The following CENPF variants were observed in gnomAD, a reference collection of about 807,000 sequenced individuals.
The protein encoded by CENPF is AH antigen.
Under a neutral mutation model 307.3 loss-of-function variants are expected in CENPF, and 214 were observed. The observed-to-expected ratio is 0.70, with a 90% CI of 0.62 to 0.78. The LOEUF is 0.78. Among genes scored for constraint, CENPF ranks in the 30% least tolerant of loss-of-function variants. CENPF has a pLI of 0.00. For missense variants in CENPF, 3,401 were observed against 3,483.9 expected, an observed-to-expected ratio of 0.98 and a Z score of 0.60; for synonymous variants, 1,259 against 1,270.6, an observed-to-expected ratio of 0.99 and a Z score of 0.19.
rs761432420 is a variant in CENPF, at chr1:214,645,129, C to T, written c.5559C>T (p.His1853=). The T allele has an allele frequency of 3.1e-6, 5 of 1,613,494 alleles. No homozygotes were observed. The East Asian group carries it at 8.9e-5, about 29-fold the overall frequency. ...AATTGGAATATTTTTCTTGTGATCACCAGGAGTTACTCCAGAGAGTAGAAA... is the reference window on the plus strand; with the variant it reads ...AATTGGAATATTTTTCTTGTGATCATCAGGAGTTACTCCAGAGAGTAGAAA... ...SEKLEYFSCD[H]QELLQRVETS... is the part of the protein sequence containing the mutation. The change falls in exon 13 of 20, where the codon CAC becomes CAT. Residue 1853 remains histidine, a synonymous_variant. Transcript: ENST00000366955.
chr1:214,662,203 A>C (rs1658803973), intron 19 of CENPF, among the ~76,000 whole-genome samples: 2 of 151,720 alleles, frequency 1.3e-5, no homozygotes, highest in South Asian at 4.2e-4. Context: ...TTTCTTGTAC[A>C]TCTGGTGGGT....
Position 214,657,293 on chromosome 1 carries a change from C to A in CENPF, c.8846C>A (p.Thr2949Asn). ...AATGGTAGAGGACCAACACCTGCTA[C>A]CCCAGAGAGCTTTTCTAAAAAAAGC... is the stretch of plus-strand genomic sequence containing the variant. ...WENGRGPTPATPESFSKKSKK... is the reference protein window; with the variant it reads ...WENGRGPTPANPESFSKKSKK... Residue 2949 changes from threonine (T) to asparagine (N), a missense_variant, in exon 18 of 20, where the codon ACC becomes AAC. Thr to Asn is a moderately conservative substitution (Grantham distance 65, BLOSUM62 0). Transcript: ENST00000366955. 1 of 1,613,980 alleles carries A rather than the reference C, an allele frequency of 6.2e-7. No homozygotes were observed.
In CENPF at chr1:214,625,512, C is replaced by T. The variant is rs138092385; in HGVS notation, c.1068+3231C>T. On this transcript the variant is annotated intron_variant, in intron 7 of 19. Transcript: ENST00000366955. ...TTGGGATTACAGACGTGAGCCACTGCACCTGTCCTCCACTGTCTATCTTTT... is the reference window on the plus strand; with the variant it reads ...TTGGGATTACAGACGTGAGCCACTGTACCTGTCCTCCACTGTCTATCTTTT... Among the ~76,000 whole-genome samples the T allele has an allele frequency of 3.6e-3, 542 of 152,288 alleles. 1 individual carries two copies. Among genetic ancestry groups the T allele is most frequent in the African/African-American group, 0.013 (530 of 41,566 alleles).
intron 15 of CENPF, 72 bp downstream of exon 15, chr1:214,651,958 T>TTTC: frequency 6.4e-6 from 8 of 1,248,154 alleles, no homozygotes; most frequent in African/African-American, 3.0e-5. Context: ...TTTTTTTTTT[T>TTTC]CCAAAAAAAA....
rs756378255 is a variant in CENPF, at chr1:214,637,887, C to T, written c.1468C>T (p.Leu490Phe). Residue 490 changes from leucine to phenylalanine, a missense_variant, in exon 11 of 20, where the codon CTC becomes TTC. Coordinates refer to ENST00000366955, the MANE Select transcript of CENPF (RefSeq NM_016343.4). ...SMEEMKKENN[L>F]LKSHSEQKAR... The stretch of plus-strand genomic sequence containing the variant: ...TTAGGAAATGAAGAAGGAAAACAAC[C>T]TCCTTAAGAGTCACTCTGAGCAAAA... The T allele has an allele frequency of 1.8e-5, 29 of 1,602,970 alleles. No homozygotes were observed. Among genetic ancestry groups the T allele is most frequent in the Non-Finnish European group, 2.5e-5 (29 of 1,177,628 alleles).
At chr1:214,620,540 G>C (rs762903625) in intron 5 of CENPF, 115 bp from the exon 6 acceptor site, 1 of 990,650 alleles carries the variant, frequency 1.0e-6, no homozygotes, top group Admixed American at 2.4e-5. Context: ...TTCTTTGTTG[G>C]TATGCAGTGC....
chr1:214,642,718 G>C lies in CENPF; in HGVS notation c.4380G>C (p.Leu1460Phe). ...STNLRNFQGD[L>F]VKEMQLGLEE... is the part of the protein sequence containing the mutation. ...ATCTGAGAAACTTTCAAGGTGACTT[G>C]GTGAAGGAGATGCAGCTGGGCTTGG... The change falls in exon 12 of 20, where the codon TTG (leucine) becomes TTC (phenylalanine). Residue 1460 changes from leucine (L) to phenylalanine (F), a missense_variant. By Grantham distance (22) the Leu-to-Phe change is conservative. Transcript: ENST00000366955. The C allele has an allele frequency of 1.2e-6, 2 of 1,614,124 alleles. No individual in the cohort carries two copies. The highest frequency in any genetic ancestry group is 2.2e-5 in the East Asian group (1 of 44,882).
In CENPF at chr1:214,655,246, C is replaced by T. The variant is rs61732051; in HGVS notation, c.8328C>T (p.Asp2776=). The change falls in exon 17 of 20, where the codon GAC becomes GAT. Residue 2776 remains aspartate, a synonymous_variant. Coordinates refer to ENST00000366955, the MANE Select transcript of CENPF (RefSeq NM_016343.4). ...GAATTACTTTTATTTTGTAGATGGA[C>T]AATCTAAAATATGTAAATCAGTTGA... ...ILEELKKTKM[D]NLKYVNQLKK... is the part of the protein sequence containing the mutation. 5.8e-3 allele frequency: 9,144 copies of T among 1,570,946 alleles called. 462 individuals are homozygous for T. The African/African-American group carries it at 0.11, about 19-fold the overall frequency.
chr1:214,631,775 C>T (rs993492015), intron 9 of CENPF, among the ~76,000 whole-genome samples: 1 of 152,228 alleles, frequency 6.6e-6, no homozygotes, highest in African/African-American at 2.4e-5. Flanking sequence ...GCTGGGATTA[C>T]AGGCATGAGC....
rs768710281 is a variant in CENPF, at chr1:214,620,858, G to T, written c.777G>T (p.Leu259Phe). ...EQEVTPSRST[L>F]QIGKRDANSS... is the part of the protein sequence containing the mutation. ...AGGTGACTCCAAGTCGATCAACTTT[G>T]CAAATAGGGAAAAGAGATGCTAATA... The change falls in exon 6 of 20, where the codon TTG becomes TTT. Residue 259 changes from leucine (L) to phenylalanine (F), a missense_variant. Transcript: ENST00000366955. 3.7e-6 allele frequency: 6 copies of T among 1,614,050 alleles called. No homozygotes were observed. The highest frequency in any genetic ancestry group is 5.1e-6 in the Non-Finnish European group (6 of 1,180,030).
chr1:214,605,635 G>T, intron 1 of CENPF: 1 of 1,511,854 alleles, frequency 6.6e-7, no homozygotes. Flanking sequence ...GAGGTCCGGG[G>T]GCTGCCTTAT....
intron 7 of CENPF, among the ~76,000 whole-genome samples, chr1:214,627,460 G>T (rs1340074676): frequency 1.5e-5 from 2 of 134,428 alleles, no homozygotes; most frequent in Non-Finnish European, 3.1e-5. Flanking sequence ...TGCAACCTCC[G>T]CCTCCTGGGT....
intron 10 of CENPF, among the ~76,000 whole-genome samples, chr1:214,634,841 C>G (rs775009439): frequency 6.6e-6 from 1 of 152,126 alleles, no homozygotes; most frequent in African/African-American, 2.4e-5. Context: ...AAATTTAGGA[C>G]GCTTATAGGT....
intron 7 of CENPF, among the ~76,000 whole-genome samples, chr1:214,628,553 C>T (rs2102546228): frequency 6.6e-6 from 1 of 152,376 alleles, no homozygotes; most frequent in South Asian, 2.1e-4. Flanking sequence ...AAGCAATTCT[C>T]CTGCCTCAGT....
In CENPF at chr1:214,658,954, T is replaced by C. The variant is rs1361799906; in HGVS notation, c.9067T>C (p.Ser3023Pro). Residue 3023 changes from serine (S) to proline (P), a missense_variant, in exon 19 of 20, where the codon TCC becomes CCC. Transcript: ENST00000366955. ...CCTGGCTGCACAGAAGTTAGCGCTA[T>C]CCCCACTGAGTCTCGGCAAAGAAAA... ...PRLAAQKLALSPLSLGKENLA... is the reference protein window; with the variant it reads ...PRLAAQKLALPPLSLGKENLA... 6.2e-7 allele frequency: 1 copy of C among 1,613,992 alleles called. No homozygotes were observed. The highest frequency in any genetic ancestry group is 8.5e-7 in the Non-Finnish European group (1 of 1,179,978).
intron 3 of CENPF, among the ~76,000 whole-genome samples, chr1:214,616,940 C>T (rs1657373400): frequency 9.5e-6 from 1 of 105,426 alleles, no homozygotes; most frequent in Admixed American, 1.0e-4. Context: ...TTCCACCCTC[C>T]CTCCCTCCCT....
chr1:214,657,179 C>T lies in CENPF; in HGVS notation c.8732C>T (p.Ser2911Phe), dbSNP rs766615867. 2 of 1,614,182 alleles carry T rather than the reference C, an allele frequency of 1.2e-6. No individual in the cohort carries two copies. Among genetic ancestry groups the T allele is most frequent in the Admixed American group, 3.3e-5 (2 of 60,024 alleles). ...PLLGPVVPGP[S>F]PIPSVTEKRL... Reference sequence around the variant, plus strand: ...CTAGGTCCAGTTGTTCCAGGACCATCTCCAATCCCTTCTGTTACTGAAAAG... The same window carrying T: ...CTAGGTCCAGTTGTTCCAGGACCATTTCCAATCCCTTCTGTTACTGAAAAG... Residue 2911 changes from serine to phenylalanine, a missense_variant, in exon 18 of 20, where the codon TCT becomes TTT. Ser to Phe is a radical substitution (Grantham distance 155). Coordinates refer to ENST00000366955, the MANE Select transcript of CENPF (RefSeq NM_016343.4).
rs114474507 is a variant in CENPF, at chr1:214,622,492, T to C, written c.1068+211T>C. Among the ~76,000 whole-genome samples the C allele has an allele frequency of 3.6e-3, 550 of 152,310 alleles. 2 individuals are homozygous for C. The highest frequency in any genetic ancestry group is 0.013 in the African/African-American group (537 of 41,558). ...GCCGTACTTTCCCAGCTGAGTGACG[T>C]TGGGCAAGTCACTGATCTCTTTTAT... On this transcript the variant is annotated intron_variant, in intron 7 of 19. Transcript: ENST00000366955.
At chr1:214,610,922 AT>A (rs1657180441) in intron 1 of CENPF, among the ~76,000 whole-genome samples, 1 of 152,134 alleles carries the variant, frequency 6.6e-6, no homozygotes, top group South Asian at 2.1e-4. Context: ...CTATCTCATC[AT>A]TTATTGAATA....
Sources: allele counts gnomAD v4.1 joint callset (sites outside exome capture counted in the v4.1 genomes callset), GRCh38; gene constraint gnomAD v4.1.1; transcripts MANE v1.5; gene names NCBI Gene and HGNC (gene_info 2026-07-23, HGNC 2026-07-21).